The following MFNG variants were observed in gnomAD, a reference collection of about 807,000 sequenced individuals.
MFNG encodes beta-1,3-N-acetylglucosaminyltransferase manic fringe.
A neutral mutation model predicts 34.2 loss-of-function variants in MFNG; 24 were observed. That is an observed-to-expected ratio of 0.70 (90% confidence interval 0.51 to 0.99). MFNG has a LOEUF of 0.99. MFNG is among the 50% of genes least tolerant of loss of function. The pLI is 0.00. For synonymous variants in MFNG, 158 were observed against 179.2 expected, an observed-to-expected ratio of 0.88 and a Z score of 0.94; for missense variants, 383 against 424.0, an observed-to-expected ratio of 0.90 and a Z score of 0.85.
In MFNG at chr22:37,479,361, T is replaced by C. The variant is rs1601797829; in HGVS notation, c.545A>G (p.Gln182Arg). Residue 182 changes from glutamine to arginine, a missense_variant, in exon 4 of 8, where the codon CAG becomes CGG. Physicochemically the swap from Gln to Arg is conservative, Grantham distance 43. Coordinates refer to ENST00000356998, the MANE Select transcript of MFNG (RefSeq NM_002405.4). Reference protein sequence around the residue: ...LNRPIHASEPQPHNRTRLVQF... With the variant: ...LNRPIHASEPRPHNRTRLVQF... ...GGGACCCACCGTGCGGTTGTGGGGC[T>C]GTGGCTCTGAGGCATGGATGGGCCG... 1.9e-6 allele frequency: 3 copies of C among 1,591,876 alleles called. No homozygotes were observed. The South Asian group carries it at 3.4e-5, about 18-fold the overall frequency.
chr22:37,476,780 G>A, intron 5 of MFNG, 116 bp downstream of exon 5: 1 of 846,770 alleles, frequency 1.2e-6, no homozygotes, highest in Non-Finnish European at 1.9e-6. Flanking sequence ...ACACGCAAAT[G>A]AGGAGCAGCT....
In MFNG at chr22:37,485,337, C is replaced by T. The variant is rs538378444; in HGVS notation, c.255+586G>A. ...AGCCAACACAGGAGGCCAGACATGG[C>T]GGCCTCGGCACACCCGGGGCAGCAG... is the stretch of plus-strand genomic sequence containing the variant. On this transcript the variant is annotated intron_variant, in intron 1 of 7. Coordinates refer to ENST00000356998, the MANE Select transcript of MFNG (RefSeq NM_002405.4). The surrounding 1 kb of genome is among the most constrained non-coding windows in gnomAD (Gnocchi z 5.3). Among the ~76,000 whole-genome samples the T allele has an allele frequency of 5.9e-5, 9 of 152,324 alleles. No individual in the cohort carries two copies. The highest frequency in any genetic ancestry group is 2.1e-4 in the South Asian group (1 of 4,826).
intron 3 of MFNG, 74 bp from the exon 4 acceptor site, chr22:37,479,572 C>T (rs1922197799): frequency 6.4e-7 from 1 of 1,574,204 alleles, no homozygotes. Context: ...CCCCCACAGT[C>T]GGTCAACAGT....
At chr22:37,480,322 G>C in intron 2 of MFNG, 23 bp from the exon 3 acceptor site, 10 of 1,594,504 alleles carry the variant, frequency 6.3e-6, no homozygotes, top group Non-Finnish European at 8.6e-6. Flanking sequence ...GGAGGAGTCA[G>C]GGGACCCTGC....
chr22:37,475,309 C>T (rs149271950), intron 5 of MFNG, among the ~76,000 whole-genome samples: 240 of 152,230 alleles, frequency 1.6e-3, no homozygotes, highest in African/African-American at 4.9e-3. Flanking sequence ...CTGCAATCTC[C>T]GCCTCCTGGG....
rs1237701748 is a variant in MFNG, at chr22:37,485,686, A to C, written c.255+237T>G. On this transcript the variant is annotated intron_variant, in intron 1 of 7. Coordinates refer to ENST00000356998, the MANE Select transcript of MFNG (RefSeq NM_002405.4). The surrounding 1 kb of genome is among the most constrained non-coding windows in gnomAD (Gnocchi z 5.3). ...GCAGGGGCCCAGCCTGGCCCCCAAA[A>C]GTGGTGGAGCGGTAGGACCTGGGTG... Among the ~76,000 whole-genome samples the C allele has an allele frequency of 6.6e-6, 1 of 152,062 alleles. No individual in the cohort carries two copies. Among genetic ancestry groups the C allele is most frequent in the Non-Finnish European group, 1.5e-5 (1 of 67,990 alleles).
At chr22:37,470,139 C>T (rs1329742708) in intron 7 of MFNG, 110 bp from the exon 8 acceptor site, 1 of 732,776 alleles carries the variant, frequency 1.4e-6, no homozygotes, top group Admixed American at 2.2e-5. Context: ...GGTTTCTCTA[C>T]CTCAACACCA....
intron 4 of MFNG, among the ~76,000 whole-genome samples, chr22:37,477,591 C>T (rs567673519): frequency 1.1e-4 from 17 of 152,238 alleles, no homozygotes; most frequent in African/African-American, 2.4e-4. Flanking sequence ...GAACTACAGA[C>T]GTGCGCCACC....
intron 4 of MFNG, among the ~76,000 whole-genome samples, chr22:37,477,738 C>CCG (rs1922106389): frequency 6.6e-6 from 1 of 152,204 alleles, no homozygotes; most frequent in African/African-American, 2.4e-5. Flanking sequence ...ATATGAGCCA[C>CCG]CGCGCCCGGC....
intron 6 of MFNG, among the ~76,000 whole-genome samples, chr22:37,473,251 A>T (rs1921889079): frequency 6.6e-6 from 1 of 152,114 alleles, no homozygotes; most frequent in African/African-American, 2.4e-5. Context: ...CAGCCTGGCC[A>T]ACATGGTGAA....
At chr22:37,480,651 G>T in intron 2 of MFNG, 70 bp downstream of exon 2, 1 of 1,472,946 alleles carries the variant, frequency 6.8e-7, no homozygotes, top group Non-Finnish European at 9.4e-7. Context: ...CTCAGGCCAG[G>T]GCACAGCCGC....
intron 1 of MFNG, chr22:37,481,071 T>C (rs1037988992): frequency 4.5e-6 from 2 of 443,940 alleles, no homozygotes; most frequent in Admixed American, 3.8e-5. Context: ...CACCCTCTTC[T>C]ATCACACACA....
intron 5 of MFNG, among the ~76,000 whole-genome samples, 186 bp downstream of exon 5, chr22:37,476,710 G>A (rs368482641): frequency 5.3e-5 from 8 of 152,176 alleles, no homozygotes; most frequent in Non-Finnish European, 7.4e-5. Context: ...GCGCTCAGCC[G>A]TGCAGCCCCT....
At chr22:37,476,203 G>A (rs1332762630) in intron 5 of MFNG, among the ~76,000 whole-genome samples, 1 of 152,108 alleles carries the variant, frequency 6.6e-6, no homozygotes, top group East Asian at 1.9e-4. Flanking sequence ...ATAATAGCCC[G>A]GAAAGACCTC....
chr22:37,477,601 C>A (rs985886852), intron 4 of MFNG, among the ~76,000 whole-genome samples: 2 of 152,162 alleles, frequency 1.3e-5, no homozygotes, highest in African/African-American at 4.8e-5. Context: ...CGTGCGCCAC[C>A]ACGCCCAACT....
rs1360842927 is a variant in MFNG, at chr22:37,469,917, G to A, written c.*46C>T. 2.0e-6 allele frequency: 3 copies of A among 1,485,410 alleles called. No individual in the cohort carries two copies. The highest frequency in any genetic ancestry group is 1.7e-4 in the Middle Eastern group (1 of 5,884). 92.0% of individuals were successfully genotyped at this position (1,485,410 alleles called of 1,614,324 possible). A position where few individuals can be genotyped will look rare whatever the true frequency, so the allele number is the denominator to read the frequency against. On this transcript the variant is annotated 3_prime_UTR_variant, in exon 8 of 8. Transcript: ENST00000356998. ...CCACAGTGCCACCTTGGGAGCCAAG[G>A]CACACCCAGAAGTCTCTGCCCAACC...
intron 1 of MFNG, chr22:37,484,416 A>T (rs1922445007): frequency 1.5e-5 from 2 of 133,370 alleles, no homozygotes; most frequent in East Asian, 3.1e-4. Flanking sequence ...TGGGGTAGCG[A>T]CTCCTGTAGC....
chr22:37,478,696 A>G (rs1428891688), intron 4 of MFNG, among the ~76,000 whole-genome samples: 2 of 147,668 alleles, frequency 1.4e-5, no homozygotes, highest in Admixed American at 6.8e-5. Flanking sequence ...TTTTTGACGG[A>G]GGGACGGAGT....
chr22:37,481,450 C>G (rs1456452854), intron 1 of MFNG: 1 of 152,500 alleles, frequency 6.6e-6, no homozygotes, highest in African/African-American at 2.4e-5. Flanking sequence ...ACCCATAGGC[C>G]CCGGACCTCT....
Sources: gnomAD v4.1 joint callset for allele counts (sites outside exome capture counted in the v4.1 genomes callset) on GRCh38, gnomAD v4.1.1 for gene constraint, Gnocchi (gnomAD v3.1) non-coding constraint, MANE v1.5 for transcripts, NCBI Gene and HGNC (gene_info 2026-07-23, HGNC 2026-07-21) for gene names.